Variants in RAD23B observed in about 807,000 individuals in gnomAD.
The protein encoded by RAD23B is RAD23 nucleotide excision repair protein B.
Under a neutral mutation model 49.1 loss-of-function variants are expected in RAD23B, and 5 were observed. That is an observed-to-expected ratio of 0.10 (90% confidence interval 0.05 to 0.21). RAD23B has a LOEUF of 0.21. Among genes scored for constraint, RAD23B ranks in the 10% least tolerant of loss-of-function variants. The pLI, the probability that RAD23B is intolerant of heterozygous loss-of-function variation, is 1.00. For missense variants in RAD23B, 356 were observed against 486.7 expected (o/e 0.73, Z 2.53); for synonymous variants, 184 against 165.4 (o/e 1.11, Z -0.86).
At chr9:107,283,794 C>G (rs1474177095) in intron 1 of RAD23B, 99 bp downstream of exon 1, 26 of 1,145,812 alleles carry the variant, frequency 2.3e-5, no homozygotes, top group African/African-American at 3.3e-5. Flanking sequence ...GGGGAAGCCC[C>G]GGAGGGCGCG....
At chr9:107,304,175 A>G (rs1192673596) in intron 3 of RAD23B, among the ~76,000 whole-genome samples, 1 of 152,218 alleles carries the variant, frequency 6.6e-6, no homozygotes, top group Non-Finnish European at 1.5e-5. Context: ...ACTAAAAAGC[A>G]GAGAAGGGCT....
At chr9:107,287,987 A>G (rs1370156118) in intron 1 of RAD23B, among the ~76,000 whole-genome samples, 1 of 152,190 alleles carries the variant, frequency 6.6e-6, no homozygotes, top group African/African-American at 2.4e-5. Flanking sequence ...ACAATTTCAT[A>G]TTATACAAGC....
Position 107,296,483 on chromosome 9 carries a change from CTG to C in RAD23B, c.67-3654_67-3653del, listed in dbSNP as rs534591424. Among the ~76,000 whole-genome samples, 9 of 152,204 alleles carry C rather than the reference CTG, an allele frequency of 5.9e-5. No individual in the cohort carries two copies. In the East Asian group the frequency reaches 1.2e-3, roughly 20 times the overall value. On this transcript the variant is annotated intron_variant, in intron 1 of 9. Transcript: ENST00000358015. ...GAGGTTGAGCTTTTCTGTGCTGTGA[CTG>C]TGTAATTGTGAATTGCCTGCCCAAT...
intron 5 of RAD23B, among the ~76,000 whole-genome samples, chr9:107,316,098 C>G (rs1174948421): frequency 6.6e-6 from 1 of 152,072 alleles, no homozygotes; most frequent in African/African-American, 2.4e-5. Context: ...CAATCTCCGC[C>G]TCCGGGGTTC....
chr9:107,309,823 C>T (rs1211020436), intron 4 of RAD23B, among the ~76,000 whole-genome samples: 1 of 150,582 alleles, frequency 6.6e-6, no homozygotes, highest in African/African-American at 2.4e-5. Context: ...CCCAGGTACT[C>T]AGGAGGCTGA....
At position 107,283,519 on chromosome 9, in the gene RAD23B, C is replaced by T. The variant is rs898797600; in HGVS notation, c.-111C>T. On this transcript the variant is annotated 5_prime_UTR_variant, in exon 1 of 10. Coordinates refer to ENST00000358015, the MANE Select transcript of RAD23B (RefSeq NM_002874.5). ...ACAAGCCCCCACCCCCACCGCCTTC[C>T]TCCCCAGAGCGCGAGGAGCGCGGGC... 10 of 752,846 alleles carry T rather than the reference C, an allele frequency of 1.3e-5. No individual in the cohort carries two copies. Among genetic ancestry groups the T allele is most frequent in the African/African-American group, 1.3e-4 (7 of 53,454 alleles). The allele number at this position is 752,846 out of a possible 1,614,324, so 46.6% of individuals were successfully genotyped here.
Position 107,329,753 on chromosome 9 carries a change from T to C in RAD23B, c.*97T>C, listed in dbSNP as rs1827274263. On this transcript the variant is annotated 3_prime_UTR_variant, in exon 10 of 10. Transcript: ENST00000358015. ...GACTTGGGCTCATATCCACAATACT[T>C]GGTATAAGGTAGTAGATTGTTGGGG... The C allele has an allele frequency of 1.9e-6, 1 of 519,418 alleles. No individual in the cohort carries two copies. The highest frequency in any genetic ancestry group is 1.9e-5 in the South Asian group (1 of 51,956). 32.2% of individuals were successfully genotyped at this position (519,418 alleles called of 1,614,324 possible). A position where few individuals can be genotyped will look rare whatever the true frequency, so the allele number is the denominator to read the frequency against.
chr9:107,319,128 C>CTTTTTTTTTTTTTTTT (rs56891354), intron 6 of RAD23B, among the ~76,000 whole-genome samples: 4 of 97,790 alleles, frequency 4.1e-5, no homozygotes, highest in Non-Finnish European at 3.9e-5. Context: ...TTTCTTTTTT[C>CTTTTTTTTTTTTTTTT]TTTTTTTTTT....
chr9:107,306,043 GTTTA>G (rs1452792224), intron 3 of RAD23B, among the ~76,000 whole-genome samples: 2 of 121,458 alleles, frequency 1.6e-5, no homozygotes, highest in Admixed American at 1.7e-4. Flanking sequence ...AAATGATACG[GTTTA>G]TATCTATATA....
In RAD23B at chr9:107,283,711, G is replaced by GGGGGTA; in HGVS notation, c.66+20_66+21insTAGGGG. On this transcript the variant is annotated intron_variant, in intron 1 of 9. Transcript: ENST00000358015. Reference sequence around the variant, plus strand: ...CGAGGAGACGGTATGCGCGCGGGCCGGGGGCAGGGGCAGCCGCGTGCGGGC... The same window carrying GGGGGTA: ...CGAGGAGACGGTATGCGCGCGGGCCGGGGGTAGGGGCAGGGGCAGCCGCGTGCGGGC... The GGGGGTA allele has an allele frequency of 1.4e-6, 2 of 1,448,204 alleles. No homozygotes were observed. Among genetic ancestry groups the GGGGGTA allele is most frequent in the Non-Finnish European group, 1.8e-6 (2 of 1,094,104 alleles). 89.7% of individuals were successfully genotyped at this position (1,448,204 alleles called of 1,614,324 possible).
At chr9:107,325,395 TAAG>T (rs1827186282) in intron 9 of RAD23B, among the ~76,000 whole-genome samples, 2 of 150,352 alleles carry the variant, frequency 1.3e-5, no homozygotes, top group South Asian at 4.2e-4. Context: ...ATATTAATAA[TAAG>T]GTTTTTCTAT....
At chr9:107,301,317 C>A (rs771834171) in intron 2 of RAD23B, among the ~76,000 whole-genome samples, 2 of 152,104 alleles carry the variant, frequency 1.3e-5, no homozygotes, top group African/African-American at 2.4e-5. Context: ...TTGTTTCTCT[C>A]CCTTTCTTCA....
chr9:107,314,913 G>A (rs112767378), intron 5 of RAD23B, among the ~76,000 whole-genome samples: 3,352 of 152,186 alleles, frequency 0.022, 118 homozygotes, highest in African/African-American at 0.074. Context: ...ATTTTTTCAT[G>A]TTTGTTGGCC....
intron 2 of RAD23B, among the ~76,000 whole-genome samples, 190 bp downstream of exon 2, chr9:107,300,412 A>G (rs1826625452): frequency 6.6e-6 from 1 of 151,832 alleles, no homozygotes; most frequent in African/African-American, 2.4e-5. Context: ...TGCCCTGTGT[A>G]TTTTTCCATC....
rs373678504 is a variant in RAD23B, at chr9:107,326,539, A to G, written c.1116+1535A>G. ...TTTTGAATAGTTGATAGAATTCACC[A>G]GTAGTCTGGTCCTGGGCTTTTTTTG... On this transcript the variant is annotated intron_variant, in intron 9 of 9. Transcript: ENST00000358015. Among the ~76,000 whole-genome samples the G allele has an allele frequency of 3.0e-4, 45 of 150,376 alleles. No individual in the cohort carries two copies. In the East Asian group the frequency reaches 6.6e-3, roughly 22 times the overall value.
At chr9:107,311,632 T>C in intron 4 of RAD23B, 50 bp from the exon 5 acceptor site, 1 of 1,347,820 alleles carries the variant, frequency 7.4e-7, no homozygotes, top group Non-Finnish European at 1.0e-6. Context: ...TAATGTAAAT[T>C]AAATTTTATA....
chr9:107,309,275 C>G (rs1362729626), intron 4 of RAD23B, among the ~76,000 whole-genome samples: 1 of 152,108 alleles, frequency 6.6e-6, no homozygotes, highest in African/African-American at 2.4e-5. Flanking sequence ...GATTCTCGGA[C>G]TTTGTAAAAT....
chr9:107,326,571 A>G (rs996859610), intron 9 of RAD23B, among the ~76,000 whole-genome samples: 6 of 147,146 alleles, frequency 4.1e-5, no homozygotes, highest in East Asian at 2.0e-4. Flanking sequence ...TTTGGGGGGA[A>G]GTTTTGTGAT....
At chr9:107,290,290 C>T (rs1411800832) in intron 1 of RAD23B, among the ~76,000 whole-genome samples, 1 of 152,200 alleles carries the variant, frequency 6.6e-6, no homozygotes, top group African/African-American at 2.4e-5. Flanking sequence ...TGTACCTCAT[C>T]CCCTGTCATG....
Sources: gnomAD v4.1 joint callset for allele counts (sites outside exome capture counted in the v4.1 genomes callset) on GRCh38, gnomAD v4.1.1 for gene constraint, MANE v1.5 for transcripts, NCBI Gene and HGNC (gene_info 2026-07-23, HGNC 2026-07-21) for gene names.